Variants in GLI3 observed in about 807,000 individuals in gnomAD.
GLI3 encodes the protein transcription activator GLI3.
Under a neutral mutation model 100.8 loss-of-function variants are expected in GLI3, and 20 were observed. The ratio of observed to expected loss-of-function variants is 0.20; its 90% CI spans 0.14 to 0.29. The LOEUF is 0.29. Among genes scored for constraint, GLI3 ranks in the 10% least tolerant of loss-of-function variants. The pLI, the probability that GLI3 is intolerant of heterozygous loss-of-function variation, is 1.00. For synonymous variants in GLI3, 938 were observed against 860.5 expected (o/e 1.09, Z -1.58); for missense variants, 2,040 against 2,128.5 (o/e 0.96, Z 0.82).
At chr7:42,173,929 T>C (rs1362853856) in intron 2 of GLI3, among the ~76,000 whole-genome samples, 3 of 152,170 alleles carry the variant, frequency 2.0e-5, no homozygotes. Context: ...TTCTGAGAAA[T>C]CACTAAAGGA....
At chr7:42,238,073 A>T (rs994385565), upstream of GLI3, among the ~76,000 whole-genome samples, 1 of 142,990 alleles carries the variant, frequency 7.0e-6, no homozygotes, top group Non-Finnish European at 1.5e-5. Context: ...TCACACAGAC[A>T]CATTCATGCC....
intron 3 of GLI3, among the ~76,000 whole-genome samples, chr7:42,086,699 A>C (rs1428863072): frequency 6.6e-6 from 1 of 151,710 alleles, no homozygotes; most frequent in Non-Finnish European, 1.5e-5. Context: ...CACCCCCTCC[A>C]TCAGGCTTCC....
At chr7:42,027,848 A>G (rs1789165191) in intron 7 of GLI3, among the ~76,000 whole-genome samples, 1 of 152,238 alleles carries the variant, frequency 6.6e-6, no homozygotes. Flanking sequence ...ACAGTAAGTT[A>G]GGGAGAAATC....
chr7:42,012,578 G>C (rs1304421957), intron 10 of GLI3, among the ~76,000 whole-genome samples: 1 of 152,040 alleles, frequency 6.6e-6, no homozygotes, highest in Non-Finnish European at 1.5e-5. Flanking sequence ...GTTGTCAATC[G>C]CCAAAAAGCT....
At chr7:42,184,732 A>G (rs1174748097) in intron 2 of GLI3, among the ~76,000 whole-genome samples, 1 of 151,986 alleles carries the variant, frequency 6.6e-6, no homozygotes, top group Non-Finnish European at 1.5e-5. Flanking sequence ...GCAGAGGGAC[A>G]CTCATTCCTG....
chr7:42,006,259 A>T (rs1179877238), intron 10 of GLI3, among the ~76,000 whole-genome samples: 1 of 152,154 alleles, frequency 6.6e-6, no homozygotes, highest in Non-Finnish European at 1.5e-5. Context: ...CCCTCAATGC[A>T]GAGTTAGTGG....
chr7:42,127,596 G>A (rs1786166225), intron 3 of GLI3, among the ~76,000 whole-genome samples: 1 of 152,174 alleles, frequency 6.6e-6, no homozygotes, highest in African/African-American at 2.4e-5. Context: ...TAGTGTTTGG[G>A]ACAGACTGAA....
At chr7:42,018,392 C>G (rs1008472300) in intron 10 of GLI3, among the ~76,000 whole-genome samples, 7 of 152,062 alleles carry the variant, frequency 4.6e-5, no homozygotes, top group Admixed American at 1.3e-4. Flanking sequence ...TATCTGAGAC[C>G]CCTATCGCAT....
chr7:42,100,746 A>C (rs1309574553), intron 3 of GLI3, among the ~76,000 whole-genome samples: 2 of 152,122 alleles, frequency 1.3e-5, no homozygotes, highest in Non-Finnish European at 2.9e-5. Context: ...TTTCCAAGAA[A>C]AAGAAGAGGG....
rs138774800 is a variant in GLI3, at chr7:42,031,880, G to A, written c.1029-5468C>T. Reference sequence around the variant, plus strand: ...CTGGGAACCATTTTTTCTATTTTACGAAGACTTCAAAATAAAATTATCAAA... The same window carrying A: ...CTGGGAACCATTTTTTCTATTTTACAAAGACTTCAAAATAAAATTATCAAA... On this transcript the variant is annotated intron_variant, in intron 7 of 14. Coordinates refer to ENST00000395925, the MANE Select transcript of GLI3 (RefSeq NM_000168.6). 1.2e-4 allele frequency among the ~76,000 whole-genome samples: 19 copies of A among 152,136 alleles called. No homozygotes were observed. The East Asian group carries it at 1.5e-3, about 12-fold the overall frequency.
chr7:42,044,599 C>T (rs941178659), intron 6 of GLI3, among the ~76,000 whole-genome samples: 8 of 152,012 alleles, frequency 5.3e-5, no homozygotes, highest in African/African-American at 1.9e-4. Context: ...TTTATTTTTT[C>T]CAAATAAGCT....
At chr7:42,001,503 T>C (rs891534555) in intron 10 of GLI3, among the ~76,000 whole-genome samples, 7 of 152,146 alleles carry the variant, frequency 4.6e-5, no homozygotes, top group African/African-American at 1.4e-4. Flanking sequence ...CTGATACTTG[T>C]CGACATCCTG....
At chr7:42,073,817 T>C (rs1784828886) in intron 4 of GLI3, among the ~76,000 whole-genome samples, 1 of 152,222 alleles carries the variant, frequency 6.6e-6, no homozygotes, top group Non-Finnish European at 1.5e-5. Context: ...ATTAAAAATA[T>C]TGCAAAAACT....
chr7:41,965,725 GA>G lies in GLI3; in HGVS notation c.3347del (p.Leu1116ProfsTer90). 6.2e-7 allele frequency: 1 copy of G among 1,613,762 alleles called. No homozygotes were observed. The highest frequency in any genetic ancestry group is 8.5e-7 in the Non-Finnish European group (1 of 1,179,964). ...AGYEQHFPSALPDDSKVPHGP... is the reference protein window; with the variant it reads ...AGYEQHFPSAXPDDSKVPHGP... ...CGTGGGGCACTTTGCTGTCGTCCGG[GA>G]GGGCGCTGGGGAAGTGCTGCTCGTA... On this transcript the variant is annotated frameshift_variant, in exon 15 of 15. Transcript: ENST00000395925. LOFTEE classifies it low-confidence loss of function (END_TRUNC).
chr7:42,085,178 C>G (rs553600492), intron 3 of GLI3, among the ~76,000 whole-genome samples: 113 of 152,138 alleles, frequency 7.4e-4, no homozygotes, highest in African/African-American at 2.1e-3. Context: ...TCCATAAAAA[C>G]TGTTTGGTTA....
chr7:42,220,472 C>T (rs1788464546), intron 2 of GLI3, among the ~76,000 whole-genome samples: 1 of 152,152 alleles, frequency 6.6e-6, no homozygotes, highest in South Asian at 2.1e-4. Context: ...ACCCCACGAG[C>T]TCTAAACCCA....
At chr7:42,238,000 G>GCCT (rs1788861312), upstream of GLI3, 1 of 146,096 alleles carries the variant, frequency 6.8e-6, no homozygotes, top group African/African-American at 3.7e-5. Flanking sequence ...CGCCGCCGCC[G>GCCT]CCGCCTCCTC....
chr7:42,051,427 T>TAC (rs558128154), intron 4 of GLI3, among the ~76,000 whole-genome samples: 54 of 152,104 alleles, frequency 3.6e-4, no homozygotes, highest in East Asian at 1.2e-3. Flanking sequence ...GCTCAACACA[T>TAC]ACACACACAC....
At chr7:42,002,985 T>C (rs1046712448) in intron 10 of GLI3, among the ~76,000 whole-genome samples, 40 of 152,326 alleles carry the variant, frequency 2.6e-4, no homozygotes, top group African/African-American at 8.7e-4. Context: ...AGTTGCCTAA[T>C]ATTAGTTTCA....
Sources: allele counts gnomAD v4.1 joint callset (sites outside exome capture counted in the v4.1 genomes callset), GRCh38; gene constraint gnomAD v4.1.1; transcripts MANE v1.5; gene names NCBI Gene and HGNC (gene_info 2026-07-23, HGNC 2026-07-21).